Variants in HPSE2 observed in about 807,000 individuals in gnomAD.
HPSE2 encodes the protein inactive heparanase-2.
HPSE2 carries 38 observed loss-of-function variants against 60.5 expected under a neutral mutation model. That is an observed-to-expected ratio of 0.63 (90% confidence interval 0.48 to 0.82). HPSE2 has a LOEUF of 0.82. Among genes scored for constraint, HPSE2 ranks in the 40% least tolerant of loss-of-function variants. The probability of loss-of-function intolerance (pLI) is 0.00; values close to 1 mark genes in which losing one functional copy is unlikely to be tolerated. For synonymous variants in HPSE2, 295 were observed against 293.2 expected (o/e 1.01, Z -0.06); for missense variants, 713 against 740.4 (o/e 0.96, Z 0.43).
At chr10:98,704,574 T>C (rs1192865645) in intron 5 of HPSE2, among the ~76,000 whole-genome samples, 2 of 152,082 alleles carry the variant, frequency 1.3e-5, no homozygotes, top group Non-Finnish European at 2.9e-5. Flanking sequence ...TAAAGACCAA[T>C]GGAACAGAAC....
upstream of HPSE2, among the ~76,000 whole-genome samples, chr10:99,240,363 T>A (rs1849917929): frequency 6.6e-6 from 1 of 152,076 alleles, no homozygotes; most frequent in African/African-American, 2.4e-5. Context: ...TAGCATATAG[T>A]ATTGCAAGAT....
At chr10:98,499,663 G>A (rs981538437) in intron 9 of HPSE2, among the ~76,000 whole-genome samples, 3 of 152,114 alleles carry the variant, frequency 2.0e-5, no homozygotes, top group Admixed American at 2.0e-4. Context: ...GAATGCAAAG[G>A]TACCTCACAT....
chr10:98,682,424 C>T (rs1179794767), intron 6 of HPSE2, among the ~76,000 whole-genome samples: 2 of 152,158 alleles, frequency 1.3e-5, no homozygotes. Flanking sequence ...CAGCCAAACA[C>T]ACAACCAAAC....
intron 9 of HPSE2, among the ~76,000 whole-genome samples, chr10:98,542,178 G>A (rs534057): frequency 0.046 from 6,948 of 152,166 alleles, 169 homozygotes; most frequent in South Asian, 0.083. Context: ...ACGAAAATCC[G>A]CTCTTCTGCA....
intron 9 of HPSE2, among the ~76,000 whole-genome samples, chr10:98,515,816 T>C (rs994059451): frequency 6.6e-6 from 1 of 152,228 alleles, no homozygotes; most frequent in African/African-American, 2.4e-5. Flanking sequence ...CAAAGTCATA[T>C]TGTTTTAAAA....
At chr10:99,055,202 A>G (rs927275302) in intron 3 of HPSE2, among the ~76,000 whole-genome samples, 3 of 152,336 alleles carry the variant, frequency 2.0e-5, no homozygotes, top group Admixed American at 2.0e-4. Context: ...TTAGCAGACA[A>G]AGACATTCGA....
At chr10:98,989,344 T>C (rs936864271) in intron 3 of HPSE2, among the ~76,000 whole-genome samples, 1 of 152,006 alleles carries the variant, frequency 6.6e-6, no homozygotes, top group African/African-American at 2.4e-5. Flanking sequence ...ATGTCCTTTG[T>C]AGGGACATGG....
chr10:98,813,554 C>A (rs1951216008), intron 3 of HPSE2, among the ~76,000 whole-genome samples: 1 of 152,088 alleles, frequency 6.6e-6, no homozygotes, highest in Non-Finnish European at 1.5e-5. Context: ...AGAACCAGAT[C>A]AATTAAAGGG....
At chr10:99,280,175 A>T in the HPSE2 span, among the ~76,000 whole-genome samples, 65 of 152,318 alleles carry the variant, frequency 4.3e-4, no homozygotes, top group Non-Finnish European at 8.4e-4. Context: ...TGAATATCAC[A>T]GATTTGTCAC....
intron 2 of HPSE2, among the ~76,000 whole-genome samples, chr10:99,227,488 G>A (rs575238182): frequency 3.5e-4 from 53 of 152,032 alleles, no homozygotes; most frequent in African/African-American, 1.2e-3. Flanking sequence ...AGACAACTTA[G>A]ACAACCACAG....
chr10:99,111,585 A>G (rs1034817216), intron 3 of HPSE2, among the ~76,000 whole-genome samples: 1 of 152,216 alleles, frequency 6.6e-6, no homozygotes, highest in South Asian at 2.1e-4. Context: ...TCCAAACCAC[A>G]TATCTACAGG....
At chr10:99,305,971 G>GCACACACACA in the HPSE2 span, among the ~76,000 whole-genome samples, 1,672 of 41,736 alleles carry the variant, frequency 0.04, 24 homozygotes, top group South Asian at 0.071. Context: ...ACGCGCGCGC[G>GCACACACACA]CGCGCGCGCA....
chr10:98,527,543 T>C (rs1591316235), intron 9 of HPSE2, among the ~76,000 whole-genome samples: 1 of 152,230 alleles, frequency 6.6e-6, no homozygotes, highest in East Asian at 1.9e-4. Flanking sequence ...CTCAGGTCTC[T>C]GCTTAAGTGC....
chr10:99,027,487 A>G (rs1208128589), intron 3 of HPSE2, among the ~76,000 whole-genome samples: 1 of 152,196 alleles, frequency 6.6e-6, no homozygotes, highest in African/African-American at 2.4e-5. Flanking sequence ...CCACTAAAGA[A>G]AAGCCTGGGG....
intron 3 of HPSE2, among the ~76,000 whole-genome samples, chr10:99,136,298 T>A (rs1001462223): frequency 2.4e-4 from 36 of 152,164 alleles, no homozygotes; most frequent in African/African-American, 8.2e-4. Context: ...CACAGCCGAA[T>A]TCTACCAGAG....
chr10:98,781,151 C>T (rs979603120), intron 3 of HPSE2, among the ~76,000 whole-genome samples: 1 of 152,012 alleles, frequency 6.6e-6, no homozygotes, highest in African/African-American at 2.4e-5. Context: ...TTTTGTTGGG[C>T]TAAACCACTA....
intron 6 of HPSE2, among the ~76,000 whole-genome samples, chr10:98,645,178 C>A (rs1435869510): frequency 6.6e-6 from 1 of 152,074 alleles, no homozygotes; most frequent in East Asian, 1.9e-4. Context: ...TACAGGAATA[C>A]AATTTGTTTA....
chr10:99,247,776 A>G, the HPSE2 span, among the ~76,000 whole-genome samples: 1,732 of 152,302 alleles, frequency 0.011, 22 homozygotes, highest in Non-Finnish European at 0.02. Context: ...GAGCCTGGTG[A>G]GAGGTGATTG....
chr10:99,212,094 T>C (rs1313410529), intron 2 of HPSE2, among the ~76,000 whole-genome samples: 1 of 152,126 alleles, frequency 6.6e-6, no homozygotes, highest in Non-Finnish European at 1.5e-5. Flanking sequence ...ACGTCACTGA[T>C]TATCAGGGAA....
Sources: allele counts gnomAD v4.1 joint callset (sites outside exome capture counted in the v4.1 genomes callset), GRCh38; gene constraint gnomAD v4.1.1; transcripts MANE v1.5; gene names NCBI Gene and HGNC (gene_info 2026-07-23, HGNC 2026-07-21).